MPV17: variants seen among roughly 807,000 people sequenced by gnomAD.
The protein encoded by MPV17 is mitochondrial inner membrane protein MPV17, also known as MPV17, mitochondrial inner membrane protein.
In MPV17, 31 loss-of-function variants were observed where a neutral mutation model predicts 28.6. The observed-to-expected ratio is 1.08, with a 90% CI of 0.81 to 1.46. The LOEUF is 1.46. Ranked by LOEUF, MPV17 falls within the 40% of genes most tolerant of loss-of-function variation. The pLI, the probability that MPV17 is intolerant of heterozygous loss-of-function variation, is 0.00. For missense variants in MPV17, 198 were observed against 216.2 expected (o/e 0.92, Z 0.53); for synonymous variants, 87 against 85.3 (o/e 1.02, Z -0.11).
intron 7 of MPV17, chr2:27,311,615 A>C (rs1241384198): frequency 6.4e-7 from 1 of 1,550,536 alleles, no homozygotes; most frequent in Non-Finnish European, 8.7e-7. Flanking sequence ...GTCCCTCCAG[A>C]TATGCCATCA....
intron 7 of MPV17, chr2:27,311,371 C>T (rs1201643200): frequency 2.3e-5 from 13 of 566,910 alleles, no homozygotes; most frequent in Non-Finnish European, 3.8e-5. Flanking sequence ...AGTCTGTATT[C>T]GTTTTAGCTA....
intron 7 of MPV17, among the ~76,000 whole-genome samples, chr2:27,310,338 C>T (rs1473336110): frequency 6.6e-6 from 1 of 152,152 alleles, no homozygotes; most frequent in Non-Finnish European, 1.5e-5. Context: ...TCAAGTGAGC[C>T]ACCCACCTCG....
chr2:27,311,956 A>T lies in MPV17; in HGVS notation c.409-5T>A. 1.2e-6 allele frequency: 2 copies of T among 1,613,422 alleles called. 1 individual carries two copies. The highest frequency in any genetic ancestry group is 3.3e-5 in the Admixed American group (2 of 59,992). On this transcript the variant is annotated splice_region_variant and splice_polypyrimidine_tract_variant and intron_variant, in intron 6 of 7. Transcript: ENST00000380044. ...TAACTGCACAGCAGGCCATAGCTGC[A>T]AGAGAAAATGTAAAGGTTGGATGGC... is the stretch of plus-strand genomic sequence containing the variant.
chr2:27,321,622 C>G (rs1313399354), intron 2 of MPV17, among the ~76,000 whole-genome samples: 1 of 152,194 alleles, frequency 6.6e-6, no homozygotes, highest in African/African-American at 2.4e-5. Context: ...CTAAGACTTA[C>G]TTATCTTCAT....
chr2:27,315,888 T>C, intron 2 of MPV17: 2 of 1,420,028 alleles, frequency 1.4e-6, no homozygotes, highest in Non-Finnish European at 1.8e-6. Flanking sequence ...GATGAGTCTT[T>C]GAGAGATGAG....
chr2:27,315,856 C>T (rs1032402459), intron 2 of MPV17: 15 of 1,330,580 alleles, frequency 1.1e-5, no homozygotes, highest in Non-Finnish European at 1.4e-5. Flanking sequence ...GCCACGGCAC[C>T]CAGCCTACAC....
rs1679699423 is a variant in MPV17, at chr2:27,317,511, G to C, written c.71-4402C>G. Among the ~76,000 whole-genome samples, 1 of 152,230 alleles carries C rather than the reference G, an allele frequency of 6.6e-6. No homozygotes were observed. Among genetic ancestry groups the C allele is most frequent in the Non-Finnish European group, 1.5e-5 (1 of 68,042 alleles). On this transcript the variant is annotated intron_variant, in intron 2 of 7. Transcript: ENST00000380044. The surrounding 1 kb of genome is among the most constrained non-coding windows in gnomAD (Gnocchi z 4.0). ...AGGCAGTATGGTGGGCAGTGCCCTA[G>C]GTTATAACGCCAGCTCAGCCACTGA...
chr2:27,317,178 G>A lies in MPV17; in HGVS notation c.71-4069C>T. 6.5e-7 allele frequency: 1 copy of A among 1,550,368 alleles called. No individual in the cohort carries two copies. Among genetic ancestry groups the A allele is most frequent in the Non-Finnish European group, 8.7e-7 (1 of 1,146,910 alleles). On this transcript the variant is annotated intron_variant, in intron 2 of 7. Transcript: ENST00000380044. This position sits in a 1 kb window ranked among gnomAD's most constrained non-coding sequence, Gnocchi z 4.0. Reference sequence around the variant, plus strand: ...GTGTCCTTCAGTCCAGGAGGCCTGGGTCGGCAGGTATAGCTACTGGCATGG... The same window carrying A: ...GTGTCCTTCAGTCCAGGAGGCCTGGATCGGCAGGTATAGCTACTGGCATGG...
intron 2 of MPV17, among the ~76,000 whole-genome samples, chr2:27,315,093 G>A (rs748900038): frequency 5.8e-4 from 88 of 152,262 alleles, no homozygotes; most frequent in African/African-American, 1.1e-3. Context: ...GACCTCCCAG[G>A]GCCAAGGATA....
In MPV17 at chr2:27,313,000, G is replaced by T. The variant is rs377148388; in HGVS notation, c.180C>A (p.Gly60=). The part of the protein sequence containing the change: ...RTLTMVSLGC[G]FVGPVVGGWY... The stretch of plus-strand genomic sequence containing the variant: ...TGTTGAGGGGAGAACTTACCACAAA[G>T]CCACAGCCCAGGGACACCATGGTCA... The change falls in exon 3 of 8, where the codon GGC becomes GGA. Residue 60 remains glycine (G), a synonymous_variant. Coordinates refer to ENST00000380044, the MANE Select transcript of MPV17 (RefSeq NM_002437.5). 2.6e-4 allele frequency: 418 copies of T among 1,614,196 alleles called. No individual in the cohort carries two copies. The highest frequency in any genetic ancestry group is 1.2e-4 in the Non-Finnish European group (139 of 1,180,006).
chr2:27,320,756 T>C (rs1679827984), intron 2 of MPV17, among the ~76,000 whole-genome samples: 2 of 152,228 alleles, frequency 1.3e-5, no homozygotes, highest in South Asian at 4.1e-4. Flanking sequence ...AAGTCTGAAA[T>C]CTCTGTACTG....
chr2:27,314,414 G>C (rs765311968), intron 2 of MPV17, among the ~76,000 whole-genome samples: 2 of 152,116 alleles, frequency 1.3e-5, no homozygotes, highest in Non-Finnish European at 2.9e-5. Context: ...CCACAACAAA[G>C]AGTCTTGGCC....
intron 2 of MPV17, among the ~76,000 whole-genome samples, chr2:27,318,739 C>G (rs1413109211): frequency 6.6e-6 from 1 of 151,982 alleles, no homozygotes; most frequent in Non-Finnish European, 1.5e-5. Context: ...TTCATCCAGA[C>G]AGTCCTAAAG....
intron 7 of MPV17, chr2:27,311,269 CAG>C: frequency 3.0e-6 from 1 of 337,792 alleles, no homozygotes; most frequent in Non-Finnish European, 5.6e-6. Context: ...CTATATTGCC[CAG>C]GCTGGTGTGA....
At chr2:27,322,584 C>T in intron 1 of MPV17, 62 bp from the exon 2 acceptor site, 1 of 1,368,590 alleles carries the variant, frequency 7.3e-7, no homozygotes, top group Non-Finnish European at 1.0e-6. Flanking sequence ...AAGAAGCCGC[C>T]TGACATTCCC....
intron 3 of MPV17, 98 bp downstream of exon 3, chr2:27,312,896 G>A (rs1312200407): frequency 3.3e-6 from 5 of 1,533,336 alleles, no homozygotes; most frequent in Non-Finnish European, 3.6e-6. Context: ...GAGGGCGGCA[G>A]GTTGGCTTAG....
At chr2:27,313,453 C>T in intron 2 of MPV17, 2 of 562,630 alleles carry the variant, frequency 3.6e-6, no homozygotes, top group South Asian at 4.3e-5. Flanking sequence ...TCAAAAGGGG[C>T]TTTAAGATAA....
intron 2 of MPV17, chr2:27,322,216 G>A: frequency 1.7e-6 from 1 of 590,216 alleles, no homozygotes; most frequent in Non-Finnish European, 3.0e-6. Flanking sequence ...GCTTTTTGAG[G>A]ACTTTGAAAT....
rs1020606412 is a variant in MPV17, at chr2:27,317,114, G to A, written c.71-4005C>T. 11 of 1,548,674 alleles carry A rather than the reference G, an allele frequency of 7.1e-6. No homozygotes were observed. Among genetic ancestry groups the A allele is most frequent in the Admixed American group, 2.0e-5 (1 of 50,890 alleles). On this transcript the variant is annotated intron_variant, in intron 2 of 7. Coordinates refer to ENST00000380044, the MANE Select transcript of MPV17 (RefSeq NM_002437.5). The surrounding 1 kb of genome is among the most constrained non-coding windows in gnomAD (Gnocchi z 4.0). Reference sequence around the variant, plus strand: ...TTGAGTTTCATGCGCAGAAGGCAGAGGGGCAAGAAGTGGCTTCTTGGAGTG... The same window carrying A: ...TTGAGTTTCATGCGCAGAAGGCAGAAGGGCAAGAAGTGGCTTCTTGGAGTG...
Sources: gnomAD v4.1 joint callset for allele counts (sites outside exome capture counted in the v4.1 genomes callset) on GRCh38, gnomAD v4.1.1 for gene constraint, Gnocchi (gnomAD v3.1) non-coding constraint, MANE v1.5 for transcripts, NCBI Gene and HGNC (gene_info 2026-07-23, HGNC 2026-07-21) for gene names.